NSD1: variants seen among roughly 807,000 people sequenced by gnomAD.
NSD1 encodes the protein nuclear receptor binding SET domain protein 1, also known as histone-lysine N-methyltransferase, H3 lysine-36 specific.
In NSD1, 26 loss-of-function variants were observed where a neutral mutation model predicts 242.7. That is an observed-to-expected ratio of 0.11 (90% CI 0.08 to 0.15). The LOEUF is 0.15. Among genes scored for constraint, NSD1 ranks in the 10% least tolerant of loss-of-function variants. The pLI is 1.00. For synonymous variants in NSD1, 1,106 were observed against 1,178.1 expected (o/e 0.94, Z 1.25); for missense variants, 2,495 against 3,272.8 (o/e 0.76, Z 5.80).
chr5:177,145,922 A>AAT (rs1470778246), intron 2 of NSD1, among the ~76,000 whole-genome samples: 2 of 150,682 alleles, frequency 1.3e-5, no homozygotes, highest in Non-Finnish European at 3.0e-5. Context: ...AAAAAAAAAA[A>AAT]AAAATCAGGA....
intron 2 of NSD1, among the ~76,000 whole-genome samples, chr5:177,159,022 A>ATG (rs1554173422): frequency 8.2e-6 from 1 of 121,424 alleles, no homozygotes; most frequent in Non-Finnish European, 1.7e-5. Context: ...ATATATATAT[A>ATG]TATGAATGAT....
At chr5:177,190,973 T>C (rs1223455447) in intron 2 of NSD1, among the ~76,000 whole-genome samples, 1 of 128,518 alleles carries the variant, frequency 7.8e-6, no homozygotes, top group Non-Finnish European at 1.6e-5. Context: ...AGCCTTTTTT[T>C]TTTTTTTCTT....
intron 5 of NSD1, among the ~76,000 whole-genome samples, chr5:177,222,605 A>AT (rs1764323650): frequency 6.6e-6 from 1 of 152,058 alleles, no homozygotes; most frequent in Non-Finnish European, 1.5e-5. Context: ...TGTTCAATAT[A>AT]TTTTCATATA....
At chr5:177,261,525 A>C (rs936621276) in intron 14 of NSD1, among the ~76,000 whole-genome samples, 2 of 152,124 alleles carry the variant, frequency 1.3e-5, no homozygotes, top group African/African-American at 4.8e-5. Context: ...CAGTATGTTA[A>C]TTGTAGTACC....
Position 177,244,372 on chromosome 5 carries a change from G to T in NSD1, c.4378+102G>T, listed in dbSNP as rs141905552. The T allele has an allele frequency of 6.1e-5, 51 of 838,244 alleles. No individual in the cohort carries two copies. In the East Asian group the frequency reaches 1.3e-3, roughly 22 times the overall value. 51.9% of individuals were successfully genotyped at this position (838,244 alleles called of 1,614,324 possible). A position where few individuals can be genotyped will look rare whatever the true frequency, so the allele number is the denominator to read the frequency against. ...TTACATGTGTAAGCCCGACCAGTGA[G>T]GTACAAGTTTTAAAACTGGTTTGCC... On this transcript the variant is annotated intron_variant, in intron 9 of 22. Transcript: ENST00000439151.
Position 177,257,322 on chromosome 5 carries a change from C to G in NSD1, c.4966+171C>G, listed in dbSNP as rs566533952. On this transcript the variant is annotated intron_variant, in intron 13 of 22. Transcript: ENST00000439151. ...CTTGGCCCACTGCAAGCTCCGCCTCCTGGGTTCACGCCATTCTCCTGCTTC... is the reference window on the plus strand; with the variant it reads ...CTTGGCCCACTGCAAGCTCCGCCTCGTGGGTTCACGCCATTCTCCTGCTTC... Among the ~76,000 whole-genome samples the G allele has an allele frequency of 4.0e-5, 6 of 150,996 alleles. No individual in the cohort carries two copies. The East Asian group carries it at 9.7e-4, about 24-fold the overall frequency.
At chr5:177,161,584 A>C (rs1043519172) in intron 2 of NSD1, among the ~76,000 whole-genome samples, 2 of 151,280 alleles carry the variant, frequency 1.3e-5, no homozygotes, top group African/African-American at 4.9e-5. Context: ...CTAGGCCTCT[A>C]TTTTTTGTGC....
intron 5 of NSD1, among the ~76,000 whole-genome samples, chr5:177,217,666 C>CTTTTTTT (rs543853335): frequency 2.8e-5 from 3 of 106,264 alleles, no homozygotes; most frequent in African/African-American, 1.0e-4. Context: ...GCGTCACATT[C>CTTTTTTT]TTTTTTTTTT....
At chr5:177,183,593 A>G (rs1311732302) in intron 2 of NSD1, among the ~76,000 whole-genome samples, 1 of 152,222 alleles carries the variant, frequency 6.6e-6, no homozygotes, top group Non-Finnish European at 1.5e-5. Context: ...TGGAGTTACC[A>G]TCCCCTCAAG....
intron 12 of NSD1, among the ~76,000 whole-genome samples, chr5:177,256,719 G>T (rs1202631830): frequency 6.6e-6 from 1 of 152,170 alleles, no homozygotes; most frequent in Non-Finnish European, 1.5e-5. Flanking sequence ...TTTGGCGGGG[G>T]TGCCAGCGGC....
Position 177,267,141 on chromosome 5 carries a change from A to AG in NSD1, c.5147-419dup, listed in dbSNP as rs1562277913. On this transcript the variant is annotated intron_variant, in intron 14 of 22. Coordinates refer to ENST00000439151, the MANE Select transcript of NSD1 (RefSeq NM_022455.5). ...CCAAAGTGCTGGGATTACAGGCCTG[A>AG]GGCACTGTGCCCAGCCGAAAAGTTA... 4.6e-5 allele frequency among the ~76,000 whole-genome samples: 7 copies of AG among 152,282 alleles called. No individual in the cohort carries two copies. The South Asian group carries it at 1.4e-3, about 32-fold the overall frequency.
At chr5:177,145,277 CAA>C (rs1562112367) in intron 2 of NSD1, among the ~76,000 whole-genome samples, 1 of 148,614 alleles carries the variant, frequency 6.7e-6, no homozygotes, top group Non-Finnish European at 1.5e-5. Context: ...TAACATGTAA[CAA>C]GATTTTTTTT....
At chr5:177,186,464 A>T (rs936947398) in intron 2 of NSD1, among the ~76,000 whole-genome samples, 1 of 152,064 alleles carries the variant, frequency 6.6e-6, no homozygotes, top group Non-Finnish European at 1.5e-5. Context: ...AGGTTTTTTT[A>T]AAAAATCCTC....
At chr5:177,225,090 C>A (rs1011198296) in intron 5 of NSD1, among the ~76,000 whole-genome samples, 1 of 152,072 alleles carries the variant, frequency 6.6e-6, no homozygotes. Flanking sequence ...GGATATTGGT[C>A]TACAGTTTTC....
At chr5:177,240,661 C>T (rs978664430) in intron 8 of NSD1, among the ~76,000 whole-genome samples, 5 of 151,860 alleles carry the variant, frequency 3.3e-5, no homozygotes, top group Admixed American at 1.3e-4. Context: ...TGCAGTGAGC[C>T]GAGATGGCGC....
rs1056889520 is a variant in NSD1 at position 177,297,977 on chromosome 5, A to T, written c.*2518A>T. ...CTGGGCTTCCTTCAAGGGCCATTGA[A>T]TGGGAACTAGAAAACCACTGGAAAC... On this transcript the variant is annotated 3_prime_UTR_variant, in exon 23 of 23. Transcript: ENST00000439151. The T allele has an allele frequency of 4.3e-6, 1 of 232,906 alleles. No homozygotes were observed. The highest frequency in any genetic ancestry group is 2.2e-5 in the African/African-American group (1 of 45,256). The allele number at this position is 232,906 out of a possible 1,614,324, so 14.4% of individuals were successfully genotyped here.
In NSD1 at chr5:177,150,738, A is replaced by G. The variant is rs572941178; in HGVS notation, c.927+14708A>G. On this transcript the variant is annotated intron_variant, in intron 2 of 22. Coordinates refer to ENST00000439151, the MANE Select transcript of NSD1 (RefSeq NM_022455.5). ...TCCCTCACATACCAGAGTGAGTCTG[A>G]AGGTAGTCTTTCTTTGTAAATTATG... 3.9e-4 allele frequency among the ~76,000 whole-genome samples: 59 copies of G among 152,278 alleles called. 1 individual carries two copies. Among genetic ancestry groups the G allele is most frequent in the African/African-American group, 1.4e-3 (58 of 41,572 alleles).
chr5:177,235,393 A>T (rs1419655860), intron 5 of NSD1, among the ~76,000 whole-genome samples: 1 of 152,196 alleles, frequency 6.6e-6, no homozygotes, highest in Non-Finnish European at 1.5e-5. Context: ...AATATGAAAA[A>T]TTCTAAATCA....
intron 2 of NSD1, among the ~76,000 whole-genome samples, chr5:177,165,910 C>CTTT (rs35871946): frequency 3.0e-5 from 4 of 134,068 alleles, no homozygotes; most frequent in African/African-American, 5.7e-5. Flanking sequence ...AGCCCACAAT[C>CTTT]TTTTTTTTTT....
Sources: allele counts gnomAD v4.1 joint callset (sites outside exome capture counted in the v4.1 genomes callset), GRCh38; gene constraint gnomAD v4.1.1; transcripts MANE v1.5; gene names NCBI Gene and HGNC (gene_info 2026-07-23, HGNC 2026-07-21).